Variants in CHPT1 observed in about 807,000 individuals in gnomAD.
CHPT1 encodes the protein choline phosphotransferase 1, also known as cholinephosphotransferase 1.
Under a neutral mutation model 47.6 loss-of-function variants are expected in CHPT1, and 36 were observed. The observed-to-expected ratio is 0.76, with a 90% CI of 0.58 to 1.00. The LOEUF (loss-of-function observed/expected upper bound fraction) is 1.00. Among genes scored for constraint, CHPT1 ranks in the 50% least tolerant of loss-of-function variants. The probability of loss-of-function intolerance (pLI) is 0.00; values close to 1 mark genes in which losing one functional copy is unlikely to be tolerated. For missense variants in CHPT1, 458 were observed against 498.1 expected, an observed-to-expected ratio of 0.92 and a Z score of 0.77; for synonymous variants, 194 against 186.3, an observed-to-expected ratio of 1.04 and a Z score of -0.33.
In CHPT1 at chr12:101,719,600, T is replaced by G. The variant is rs1465359807; in HGVS notation, c.649-523T>G. On this transcript the variant is annotated intron_variant, in intron 4 of 8. Coordinates refer to ENST00000229266, the MANE Select transcript of CHPT1 (RefSeq NM_020244.3). Reference sequence around the variant, plus strand: ...ATACACATCATGATATTTGTTACATTTATGATGCAAATCATGGTGTCTCCC... The same window carrying G: ...ATACACATCATGATATTTGTTACATGTATGATGCAAATCATGGTGTCTCCC... 3.2e-6 allele frequency: 3 copies of G among 949,276 alleles called. No individual in the cohort carries two copies. In the East Asian group the frequency reaches 2.0e-4, roughly 62 times the overall value. The allele number at this position is 949,276 out of a possible 1,614,324, so 58.8% of individuals were successfully genotyped here. A position where few individuals can be genotyped will look rare whatever the true frequency, so the allele number is the denominator to read the frequency against.
chr12:101,704,177 G>T lies in CHPT1; in HGVS notation c.273+6043G>T, dbSNP rs189255426. Among the ~76,000 whole-genome samples the T allele has an allele frequency of 4.3e-3, 607 of 142,596 alleles. 5 individuals carry two copies. The highest frequency in any genetic ancestry group is 0.017 in the African/African-American group (558 of 32,768). 93.5% of individuals were successfully genotyped at this position (142,596 alleles called of 152,430 possible). ...ATCCAAGGCCATTTCAAGCAAAGAG[G>T]TTTTTTTGTTTTGTTTTTGTTTTTT... On this transcript the variant is annotated intron_variant, in intron 1 of 8. Transcript: ENST00000229266.
chr12:101,718,320 C>T (rs1951794552), intron 4 of CHPT1, among the ~76,000 whole-genome samples: 1 of 152,250 alleles, frequency 6.6e-6, no homozygotes, highest in East Asian at 1.9e-4. Flanking sequence ...TTGTAACAAA[C>T]GTACCACGCT....
intron 8 of CHPT1, chr12:101,728,621 T>C (rs1010369127): frequency 6.3e-6 from 2 of 314,970 alleles, no homozygotes; most frequent in Non-Finnish European, 1.2e-5. Context: ...CCTTTTGGGA[T>C]TGATAGAGAT....
chr12:101,708,724 G>A (rs1453518973), intron 1 of CHPT1, among the ~76,000 whole-genome samples: 1 of 126,528 alleles, frequency 7.9e-6, no homozygotes, highest in African/African-American at 2.6e-5. Context: ...AGCCTCCTGA[G>A]TAGCTGGGAT....
chr12:101,697,821 C>T lies in CHPT1; in HGVS notation c.-41C>T. 1 of 823,318 alleles carries T rather than the reference C, an allele frequency of 1.2e-6. No homozygotes were observed. Among genetic ancestry groups the T allele is most frequent in the Non-Finnish European group, 1.5e-6 (1 of 671,010 alleles). The allele number at this position is 823,318 out of a possible 1,614,324, so 51.0% of individuals were successfully genotyped here. On this transcript the variant is annotated 5_prime_UTR_variant, in exon 1 of 9. Coordinates refer to ENST00000229266, the MANE Select transcript of CHPT1 (RefSeq NM_020244.3). The stretch of plus-strand genomic sequence containing the variant: ...CTCTCCCTGCCCCCAGCGCCAGGCG[C>T]GGGCTGCGCTCGGTGGCGGCGGCGG...
intron 4 of CHPT1, chr12:101,719,785 A>G: frequency 4.2e-6 from 1 of 237,884 alleles, no homozygotes; most frequent in Non-Finnish European, 8.3e-6. Flanking sequence ...TGAAGAAAGC[A>G]GTTTCAAAAA....
At chr12:101,717,267 A>T (rs895106991) in intron 4 of CHPT1, 2 of 454,804 alleles carry the variant, frequency 4.4e-6, no homozygotes, top group African/African-American at 4.0e-5. Context: ...GAATGTTTTT[A>T]TTTTCTGCCT....
At chr12:101,700,307 A>G in intron 1 of CHPT1, among the ~76,000 whole-genome samples, 1 of 137,660 alleles carries the variant, frequency 7.3e-6, no homozygotes, top group Non-Finnish European at 1.5e-5. Context: ...ATTAGTTTTT[A>G]GGATCAGCCT....
chr12:101,714,140 G>A lies in CHPT1; in HGVS notation c.324G>A (p.Gln108=). The A allele has an allele frequency of 1.9e-6, 3 of 1,611,452 alleles. No homozygotes were observed. The highest frequency in any genetic ancestry group is 2.5e-6 in the Non-Finnish European group (3 of 1,177,706). The change falls in exon 2 of 9, where the codon CAG becomes CAA. Residue 108 remains glutamine, a synonymous_variant. Transcript: ENST00000229266. ...LLCALGLFIY[Q]SLDAIDGKQA... is the part of the protein sequence containing the mutation. ...GTGCACTGGGACTTTTTATTTACCA[G>A]TCACTGGATGCTATTGATGGGAAAC... is the stretch of plus-strand genomic sequence containing the variant.
At position 101,719,533 on chromosome 12, in the gene CHPT1, A is replaced by G. The variant is rs758009133; in HGVS notation, c.649-590A>G. 1.6e-5 allele frequency: 21 copies of G among 1,283,310 alleles called. No individual in the cohort carries two copies. In the South Asian group the frequency reaches 2.4e-4, roughly 14 times the overall value. 79.5% of individuals were successfully genotyped at this position (1,283,310 alleles called of 1,614,324 possible). ...GACCAACAGGTAAATATATTGCTAG[A>G]GATTTAATCCTGGATATTAACTACA... On this transcript the variant is annotated intron_variant, in intron 4 of 8. Transcript: ENST00000229266.
chr12:101,724,071 T>C (rs1040735648), intron 7 of CHPT1, among the ~76,000 whole-genome samples: 1 of 151,600 alleles, frequency 6.6e-6, no homozygotes, highest in African/African-American at 2.4e-5. Flanking sequence ...TACAAAAAAT[T>C]AGCCAGGCGT....
intron 1 of CHPT1, among the ~76,000 whole-genome samples, chr12:101,701,414 T>C (rs538433348): frequency 1.3e-5 from 2 of 152,360 alleles, no homozygotes; most frequent in South Asian, 2.1e-4. Context: ...TTACTGTGTA[T>C]CAGGGATGAT....
At chr12:101,714,894 C>A in intron 3 of CHPT1, 2 of 306,956 alleles carry the variant, frequency 6.5e-6, no homozygotes, top group Non-Finnish European at 5.8e-6. Flanking sequence ...CCCAAGTTTA[C>A]AATAGAGAGG....
rs1163985400 is a variant in CHPT1, at chr12:101,697,851, C to G, written c.-11C>G. On this transcript the variant is annotated 5_prime_UTR_variant, in exon 1 of 9. Transcript: ENST00000229266. ...TGCGCTCGGTGGCGGCGGCGGGGCC[C>G]TCAGGCGGCCATGGCGGCAGGCGCC... The G allele has an allele frequency of 9.0e-7, 1 of 1,113,980 alleles. No homozygotes were observed. The highest frequency in any genetic ancestry group is 1.1e-6 in the Non-Finnish European group (1 of 908,074). The allele number at this position is 1,113,980 out of a possible 1,614,324, so 69.0% of individuals were successfully genotyped here.
chr12:101,726,587 T>C lies in CHPT1; in HGVS notation c.1176+183T>C, dbSNP rs549240876. The C allele has an allele frequency of 4.4e-5, 33 of 757,366 alleles. 1 individual carries two copies. The highest frequency in any genetic ancestry group is 4.2e-4 in the African/African-American group (24 of 57,498). The allele number at this position is 757,366 out of a possible 1,614,324, so 46.9% of individuals were successfully genotyped here. A position where few individuals can be genotyped will look rare whatever the true frequency, so the allele number is the denominator to read the frequency against. On this transcript the variant is annotated intron_variant, in intron 8 of 8. Coordinates refer to ENST00000229266, the MANE Select transcript of CHPT1 (RefSeq NM_020244.3). ...TCTTATTTCAGTTATGAAGCCCCCA[T>C]TGTATCATCATTTTTTATCACAGAT... is the stretch of plus-strand genomic sequence containing the variant.
At chr12:101,700,053 T>TA (rs1413909254) in intron 1 of CHPT1, among the ~76,000 whole-genome samples, 2 of 152,246 alleles carry the variant, frequency 1.3e-5, no homozygotes, top group East Asian at 3.8e-4. Flanking sequence ...TTAAAAATAT[T>TA]ACTGTTATCA....
intron 5 of CHPT1, among the ~76,000 whole-genome samples, chr12:101,720,896 T>A (rs937132745): frequency 6.6e-6 from 1 of 152,210 alleles, no homozygotes; most frequent in African/African-American, 2.4e-5. Flanking sequence ...CCTATGTTTT[T>A]AAAAAGCCTA....
intron 4 of CHPT1, chr12:101,719,462 T>G (rs764630244): frequency 1.0e-6 from 1 of 987,446 alleles, no homozygotes; most frequent in African/African-American, 1.7e-5. Flanking sequence ...TTGTTACTGT[T>G]TTTTAAATCC....
intron 3 of CHPT1, chr12:101,714,922 G>A (rs894728978): frequency 8.1e-6 from 2 of 245,678 alleles, no homozygotes; most frequent in African/African-American, 4.5e-5. Flanking sequence ...GAAAATTAAG[G>A]GACCTGAATA....
Sources: allele counts gnomAD v4.1 joint callset (sites outside exome capture counted in the v4.1 genomes callset), GRCh38; gene constraint gnomAD v4.1.1; transcripts MANE v1.5; gene names NCBI Gene and HGNC (gene_info 2026-07-23, HGNC 2026-07-21).